Variants in NFXL1 observed in about 807,000 individuals in gnomAD.
The protein encoded by NFXL1 is NF-X1-type zinc finger protein NFXL1.
A neutral mutation model predicts 123.3 loss-of-function variants in NFXL1; 66 were observed. The observed-to-expected ratio is 0.54, with a 90% CI of 0.44 to 0.66. The LOEUF (loss-of-function observed/expected upper bound fraction) is 0.66, where lower values mean the gene tolerates loss of function less well. Ranked by LOEUF, NFXL1 falls within the 30% of genes least tolerant of loss-of-function variation. The pLI, the probability that NFXL1 is intolerant of heterozygous loss-of-function variation, is 0.00. For missense variants in NFXL1, 944 were observed against 1,125.6 expected, an observed-to-expected ratio of 0.84 and a Z score of 2.31; for synonymous variants, 346 against 360.8, an observed-to-expected ratio of 0.96 and a Z score of 0.46.
chr4:47,900,754 T>C (rs1038247946), intron 5 of NFXL1, among the ~76,000 whole-genome samples: 3 of 152,258 alleles, frequency 2.0e-5, no homozygotes, highest in Non-Finnish European at 4.4e-5. Context: ...AACATTTAAA[T>C]TTCTTTTGTA....
At chr4:47,885,457 C>G in intron 14 of NFXL1, 41 bp downstream of exon 14, 1 of 1,509,310 alleles carries the variant, frequency 6.6e-7, no homozygotes, top group Non-Finnish European at 9.1e-7. Flanking sequence ...AAGTACAACC[C>G]ACAGCAATGC....
intron 19 of NFXL1, among the ~76,000 whole-genome samples, chr4:47,859,660 G>A (rs1191004315): frequency 6.6e-6 from 1 of 151,868 alleles, no homozygotes; most frequent in Non-Finnish European, 1.5e-5. Flanking sequence ...AGCCAACATG[G>A]TGAAACCCCG....
chr4:47,892,998 A>G (rs1459891562), intron 11 of NFXL1, among the ~76,000 whole-genome samples: 1 of 152,210 alleles, frequency 6.6e-6, no homozygotes, highest in Non-Finnish European at 1.5e-5. Flanking sequence ...AGGAAGCATG[A>G]ACATGCTAAG....
At chr4:47,888,201 G>T (rs971361879) in intron 12 of NFXL1, among the ~76,000 whole-genome samples, 9 of 152,320 alleles carry the variant, frequency 5.9e-5, no homozygotes, top group African/African-American at 1.2e-4. Flanking sequence ...CTGAAATGGG[G>T]AGTCAGAGGT....
At chr4:47,874,015 T>C (rs1735593709) in intron 18 of NFXL1, among the ~76,000 whole-genome samples, 1 of 152,224 alleles carries the variant, frequency 6.6e-6, no homozygotes, top group Non-Finnish European at 1.5e-5. Flanking sequence ...CAACCTATGC[T>C]GCCTTCAAAT....
intron 12 of NFXL1, among the ~76,000 whole-genome samples, chr4:47,890,310 T>C (rs183453522): frequency 6.6e-6 from 1 of 152,182 alleles, no homozygotes; most frequent in African/African-American, 2.4e-5. Flanking sequence ...GTGGGGAAAG[T>C]CAGGAAGTGG....
chr4:47,909,817 C>A, intron 3 of NFXL1, among the ~76,000 whole-genome samples: 1 of 151,948 alleles, frequency 6.6e-6, no homozygotes, highest in Non-Finnish European at 1.5e-5. Flanking sequence ...TGCCACCATG[C>A]CCAGCTAATT....
At chr4:47,887,319 T>A (rs770882626) in intron 12 of NFXL1, among the ~76,000 whole-genome samples, 23 of 152,112 alleles carry the variant, frequency 1.5e-4, no homozygotes, top group Non-Finnish European at 2.6e-4. Context: ...GGAGTTAACC[T>A]GATAAAAAAA....
chr4:47,904,486 CCAACTAGATGTGACTCTAGGCACAAAAGG>C (rs1459486652), intron 4 of NFXL1, among the ~76,000 whole-genome samples: 1 of 152,192 alleles, frequency 6.6e-6, no homozygotes, highest in African/African-American at 2.4e-5. Flanking sequence ...TCAGAGTAAA[CCAACTAGATGTGACTCTAGGCACAAAAGG>C]CATCTGTATC....
chr4:47,914,287 C>G (rs1025925755), intron 1 of NFXL1, 78 bp downstream of exon 1: 11 of 1,144,728 alleles, frequency 9.6e-6, no homozygotes, highest in Non-Finnish European at 1.3e-5. Flanking sequence ...AGTGCGGAAA[C>G]CCGGTGTGAG....
chr4:47,908,954 C>CAAAAA (rs11457014), intron 3 of NFXL1, among the ~76,000 whole-genome samples: 2 of 90,522 alleles, frequency 2.2e-5, no homozygotes, highest in Admixed American at 1.1e-4. Context: ...GACTCCGTCG[C>CAAAAA]AAAAAAAAAA....
At chr4:47,899,298 ATTT>A in intron 6 of NFXL1, 69 bp downstream of exon 6, 1 of 1,131,378 alleles carries the variant, frequency 8.8e-7, no homozygotes, top group South Asian at 1.8e-5. Context: ...AACTTTTACA[ATTT>A]TTTTTTTTGC....
intron 15 of NFXL1, among the ~76,000 whole-genome samples, chr4:47,881,224 G>T (rs1275410602): frequency 6.6e-6 from 1 of 151,924 alleles, no homozygotes; most frequent in African/African-American, 2.4e-5. Flanking sequence ...ACAAAGAAAT[G>T]GTGTCTGAGA....
intron 15 of NFXL1, among the ~76,000 whole-genome samples, chr4:47,880,434 A>G (rs1736023489): frequency 6.6e-6 from 1 of 151,188 alleles, no homozygotes; most frequent in Non-Finnish European, 1.5e-5. Flanking sequence ...CTCAAAAAAA[A>G]AAAAAAAAAA....
At chr4:47,901,613 G>A (rs545422837) in intron 5 of NFXL1, among the ~76,000 whole-genome samples, 3 of 152,248 alleles carry the variant, frequency 2.0e-5, no homozygotes, top group Middle Eastern at 3.4e-3. Context: ...TCCAAAAAGT[G>A]TGTATTCAAT....
chr4:47,904,270 G>A (rs1036125946), intron 4 of NFXL1, among the ~76,000 whole-genome samples: 10 of 152,202 alleles, frequency 6.6e-5, no homozygotes, highest in African/African-American at 2.4e-4. Context: ...TGGAAAGGAG[G>A]TTGGGGCATT....
intron 22 of NFXL1, among the ~76,000 whole-genome samples, chr4:47,850,540 T>A (rs1354979767): frequency 6.6e-6 from 1 of 152,038 alleles, no homozygotes; most frequent in African/African-American, 2.4e-5. Flanking sequence ...ATCAATAAAG[T>A]AAATACTTAA....
chr4:47,909,414 T>C (rs188900093), intron 3 of NFXL1, among the ~76,000 whole-genome samples: 11 of 152,300 alleles, frequency 7.2e-5, no homozygotes, highest in African/African-American at 2.6e-4. Context: ...CTAAGTCAAC[T>C]AGGTTTAAAC....
At position 47,896,584 on chromosome 4, in the gene NFXL1, T is replaced by G; in HGVS notation, c.1268A>C (p.Glu423Ala). 1 of 1,612,952 alleles carries G rather than the reference T, an allele frequency of 6.2e-7. No homozygotes were observed. The highest frequency in any genetic ancestry group is 8.5e-7 in the Non-Finnish European group (1 of 1,179,008). The change falls in exon 10 of 23, where the codon GAA becomes GCA. Residue 423 changes from glutamate (E) to alanine (A), a missense_variant. By Grantham distance (107) the Glu-to-Ala change is moderately radical. Around this residue, in one of 4 missense-constraint regions of NFXL1, gnomAD observed 296 missense variants for 395.1 expected, o/e 0.75. Coordinates refer to ENST00000507489, the MANE Select transcript of NFXL1 (RefSeq NM_001278624.2). ...CTGTGAACATCTATGGATTCCGCAT[T>G]CAAGTACTTTGTCACAACTGTCTCC... ...TCGDSCDKVLECGIHRCSQRC... is the reference protein window; with the variant it reads ...TCGDSCDKVLACGIHRCSQRC...
Sources: gnomAD v4.1 joint callset for allele counts (sites outside exome capture counted in the v4.1 genomes callset) on GRCh38, gnomAD v4.1.1 for gene constraint, gnomAD v4.1.1 regional missense constraint, MANE v1.5 for transcripts, NCBI Gene and HGNC (gene_info 2026-07-23, HGNC 2026-07-21) for gene names.